The following VPS45 variants were observed in gnomAD, a reference collection of about 807,000 sequenced individuals.
The protein encoded by VPS45 is vacuolar protein sorting 45 homolog.
VPS45 carries 35 observed loss-of-function variants against 75.9 expected under a neutral mutation model. The observed-to-expected ratio is 0.46, with a 90% CI of 0.35 to 0.61. The LOEUF (loss-of-function observed/expected upper bound fraction) is 0.61. Ranked by LOEUF, VPS45 falls within the 20% of genes least tolerant of loss-of-function variation. VPS45 has a pLI of 0.00. For missense variants in VPS45, 559 were observed against 685.9 expected (o/e 0.81, Z 2.07); for synonymous variants, 220 against 238.2 (o/e 0.92, Z 0.70).
intron 14 of VPS45, among the ~76,000 whole-genome samples, chr1:150,133,401 A>G (rs1658924853): frequency 1.3e-5 from 2 of 151,776 alleles, no homozygotes; most frequent in African/African-American, 4.8e-5. Context: ...AAAAAATACA[A>G]AAATTAGCCG....
chr1:150,104,021 A>T (rs1415465377), intron 13 of VPS45, among the ~76,000 whole-genome samples: 1 of 152,288 alleles, frequency 6.6e-6, no homozygotes, highest in East Asian at 1.9e-4. Flanking sequence ...GCAAATATAT[A>T]TATTACTTTC....
At chr1:150,069,362 T>C (rs1484161027) in intron 2 of VPS45, among the ~76,000 whole-genome samples, 1 of 152,008 alleles carries the variant, frequency 6.6e-6, no homozygotes, top group Non-Finnish European at 1.5e-5. Flanking sequence ...TGATTAAAAG[T>C]TCTTTGGCCA....
At chr1:150,091,905 G>T in intron 10 of VPS45, 32 bp from the exon 11 acceptor site, 1 of 1,601,278 alleles carries the variant, frequency 6.2e-7, no homozygotes, top group Non-Finnish European at 8.5e-7. Context: ...TCAAGTGAAA[G>T]GGGGATAAAT....
At position 150,086,190 on chromosome 1, in the gene VPS45, G is replaced by C. The variant is rs76787019; in HGVS notation, c.1104+3307G>C. On this transcript the variant is annotated intron_variant, in intron 10 of 14. Coordinates refer to ENST00000644510, the MANE Select transcript of VPS45 (RefSeq NM_007259.5). The stretch of plus-strand genomic sequence containing the variant: ...TATAGAGTAGTGGCTAAGAGCTTGG[G>C]CCTTTGATGGCTTGGGTTTGAAAAT... Among the ~76,000 whole-genome samples, 15 of 152,224 alleles carry C rather than the reference G, an allele frequency of 9.9e-5. No homozygotes were observed. In the East Asian group the frequency reaches 2.9e-3, roughly 29 times the overall value.
At chr1:150,141,905 C>T (rs7517537) in intron 14 of VPS45, among the ~76,000 whole-genome samples, 6,876 of 152,102 alleles carry the variant, frequency 0.045, 536 homozygotes, top group African/African-American at 0.15. Context: ...ATGGCACCAA[C>T]GGAGAAGGGG....
chr1:150,125,978 C>T (rs1658494772), intron 14 of VPS45, among the ~76,000 whole-genome samples: 1 of 151,736 alleles, frequency 6.6e-6, no homozygotes, highest in Non-Finnish European at 1.5e-5. Context: ...GAGCCACTGC[C>T]CCTGGCCAAG....
Position 150,068,778 on chromosome 1 carries a change from T to C in VPS45, c.228+14T>C. 1 of 1,590,768 alleles carries C rather than the reference T, an allele frequency of 6.3e-7. No homozygotes were observed. Among genetic ancestry groups the C allele is most frequent in the Non-Finnish European group, 8.6e-7 (1 of 1,168,244 alleles). Reference sequence around the variant, plus strand: ...CGACCTACAAAGGTACTGCATAAACTGAGCTTCCATCTGCCCAGGCAGATG... The same window carrying C: ...CGACCTACAAAGGTACTGCATAAACCGAGCTTCCATCTGCCCAGGCAGATG... On this transcript the variant is annotated intron_variant, in intron 2 of 14. Transcript: ENST00000644510.
intron 2 of VPS45, among the ~76,000 whole-genome samples, chr1:150,069,673 G>A (rs998147065): frequency 2.6e-4 from 39 of 151,936 alleles, no homozygotes; most frequent in African/African-American, 9.2e-4. Flanking sequence ...AGCCAGGATG[G>A]TCTTGATCTC....
At chr1:150,138,593 T>C (rs975649290) in intron 14 of VPS45, among the ~76,000 whole-genome samples, 29 of 152,180 alleles carry the variant, frequency 1.9e-4, no homozygotes, top group Non-Finnish European at 3.8e-4. Flanking sequence ...ATTCCTGGCC[T>C]ATACCCATGA....
chr1:150,115,005 A>G (rs1657854141), intron 14 of VPS45, among the ~76,000 whole-genome samples: 1 of 151,830 alleles, frequency 6.6e-6, no homozygotes, highest in Non-Finnish European at 1.5e-5. Flanking sequence ...TTTCAGGTTG[A>G]TAATTTTCAC....
At position 150,144,746 on chromosome 1, in the gene VPS45, C is replaced by T. The variant is rs1332360020; in HGVS notation, c.1663C>T (p.Arg555Ter). Residue 555 changes from arginine (R) to a stop codon, truncating the protein, a stop_gained, in exon 15 of 15, where the codon CGA becomes TGA. Coordinates refer to ENST00000644510, the MANE Select transcript of VPS45 (RefSeq NM_007259.5). LOFTEE classifies it high-confidence loss of function. ...AGTTCTGGCTTCTGGACTGCACAGC[C>T]GAAGCAAGGAGAGCTCTCAAGTCAC... ...EEVLASGLHS[R>*]SKESSQVTSR... 6.8e-6 allele frequency: 11 copies of T among 1,613,974 alleles called. No individual in the cohort carries two copies. The highest frequency in any genetic ancestry group is 6.7e-5 in the East Asian group (3 of 44,890).
At chr1:150,075,465 G>A (rs994057496) in intron 3 of VPS45, among the ~76,000 whole-genome samples, 2 of 152,070 alleles carry the variant, frequency 1.3e-5, no homozygotes, top group African/African-American at 4.8e-5. Flanking sequence ...TACTTTATAG[G>A]TGGTATTGTG....
chr1:150,092,018 G>A lies in VPS45; in HGVS notation c.1186G>A (p.Glu396Lys), dbSNP rs1656350811. ...GGTGATGCTTTATGCTTTACATTAT[G>A]AGCGACACAGCAGCAATAGCCTGCC... ...RLVMLYALHYERHSSNSLPGL... is the reference protein window; with the variant it reads ...RLVMLYALHYKRHSSNSLPGL... Residue 396 changes from glutamate to lysine, a missense_variant, in exon 11 of 15, where the codon GAG (glutamate) becomes AAG (lysine). Transcript: ENST00000644510. 3 of 1,614,082 alleles carry A rather than the reference G, an allele frequency of 1.9e-6. No homozygotes were observed. The highest frequency in any genetic ancestry group is 2.5e-6 in the Non-Finnish European group (3 of 1,180,000).
chr1:150,143,054 C>T (rs2101668661), intron 14 of VPS45: 1 of 267,060 alleles, frequency 3.7e-6, no homozygotes, highest in East Asian at 1.1e-4. Flanking sequence ...GTGTTAAGCC[C>T]TGGAGATCTA....
At position 150,076,992 on chromosome 1, in the gene VPS45, A is replaced by T. The variant is rs1553798240; in HGVS notation, c.438+8A>T. 6.2e-7 allele frequency: 1 copy of T among 1,614,012 alleles called. No individual in the cohort carries two copies. Among genetic ancestry groups the T allele is most frequent in the African/African-American group, 1.3e-5 (1 of 74,924 alleles). On this transcript the variant is annotated splice_region_variant and intron_variant, in intron 5 of 14. Transcript: ENST00000644510. ...ATTTTGGGTTGCTGCCAGGTATGGA[A>T]GGAAAGGTTTAATTTATCAGTCGAG...
chr1:150,072,474 A>G (rs1282391331), intron 3 of VPS45, among the ~76,000 whole-genome samples: 2 of 152,078 alleles, frequency 1.3e-5, no homozygotes, highest in African/African-American at 2.4e-5. Flanking sequence ...CCTGACCAAC[A>G]TGGTGAAACC....
At chr1:150,098,740 G>T (rs1656805084) in intron 13 of VPS45, 2 of 528,568 alleles carry the variant, frequency 3.8e-6, no homozygotes, top group South Asian at 3.4e-5. Flanking sequence ...TTAAATTAGT[G>T]TTTAAGCTGT....
At chr1:150,092,841 T>TTA (rs1656407936) in intron 12 of VPS45, among the ~76,000 whole-genome samples, 1 of 133,918 alleles carries the variant, frequency 7.5e-6, no homozygotes, top group East Asian at 2.1e-4. Context: ...GCCTTTCTTT[T>TTA]TTTTTTTTTT....
At chr1:150,107,788 CT>C (rs1255578076) in intron 13 of VPS45, among the ~76,000 whole-genome samples, 2 of 152,150 alleles carry the variant, frequency 1.3e-5, no homozygotes, top group Non-Finnish European at 2.9e-5. Flanking sequence ...GTATTCCCAG[CT>C]ACTTAGGAGG....
Sources: allele counts gnomAD v4.1 joint callset (sites outside exome capture counted in the v4.1 genomes callset), GRCh38; gene constraint gnomAD v4.1.1; transcripts MANE v1.5; gene names NCBI Gene and HGNC (gene_info 2026-07-23, HGNC 2026-07-21).